Variants in PIK3R1 observed in about 807,000 individuals in gnomAD.
The protein encoded by PIK3R1 is phosphoinositide-3-kinase regulatory subunit 1, also known as phosphatidylinositol 3-kinase regulatory subunit alpha.
A neutral mutation model predicts 98.0 loss-of-function variants in PIK3R1; 29 were observed. The ratio of observed to expected loss-of-function variants is 0.30; its 90% CI spans 0.22 to 0.40. PIK3R1 has a LOEUF of 0.40. Among genes scored for constraint, PIK3R1 ranks in the 10% least tolerant of loss-of-function variants. The pLI is 1.00. For synonymous variants in PIK3R1, 282 were observed against 311.8 expected (o/e 0.90, Z 1.01); for missense variants, 596 against 872.7 (o/e 0.68, Z 3.99).
rs1303597931 is a variant in PIK3R1, at chr5:68,221,337, A to AT, written c.-386-4946dup. Among the ~76,000 whole-genome samples, 6 of 152,266 alleles carry AT rather than the reference A, an allele frequency of 3.9e-5. No individual in the cohort carries two copies. The South Asian group carries it at 1.0e-3, about 26-fold the overall frequency. On this transcript the variant is annotated intron_variant, in intron 1 of 15. Coordinates refer to ENST00000521381, the MANE Select transcript of PIK3R1 (RefSeq NM_181523.3). Reference sequence around the variant, plus strand: ...GAAGGTAAACCATTTTTAAATAATGATTTTTTTAAAGACTGTATGAATTTA... The same window carrying AT: ...GAAGGTAAACCATTTTTAAATAATGATTTTTTTTAAAGACTGTATGAATTTA...
At chr5:68,217,653 T>TGCGCGCGCGTGC (rs1554044206) in intron 1 of PIK3R1, 2 of 149,396 alleles carry the variant, frequency 1.3e-5, no homozygotes, top group African/African-American at 5.0e-5. Flanking sequence ...TGTGTGTGTG[T>TGCGCGCGCGTGC]GCGCGCGCGT....
At chr5:68,279,324 G>C (rs1305807418) in intron 4 of PIK3R1, among the ~76,000 whole-genome samples, 2 of 152,090 alleles carry the variant, frequency 1.3e-5, no homozygotes, top group Non-Finnish European at 2.9e-5. Flanking sequence ...AAAGTGTGGA[G>C]GTCTGCTACT....
chr5:68,239,766 C>T (rs1450405090), intron 2 of PIK3R1: 6 of 443,534 alleles, frequency 1.4e-5, no homozygotes, highest in African/African-American at 2.0e-5. Flanking sequence ...GCAGATGACT[C>T]CCTGGCTTGC....
rs1270513365 is a variant in PIK3R1, at chr5:68,298,657, TAAA to T, written c.*1059_*1061del. On this transcript the variant is annotated 3_prime_UTR_variant, in exon 16 of 16. Transcript: ENST00000521381. ...GAGTACTTGGCTGTTAGCCCAAGGT[TAAA>T]AAGTTCATAACAGATTTTTTTTGGA... 8.6e-6 allele frequency: 2 copies of T among 233,232 alleles called. No homozygotes were observed. The highest frequency in any genetic ancestry group is 1.7e-5 in the Non-Finnish European group (2 of 117,930). The allele number at this position is 233,232 out of a possible 1,614,324, so 14.4% of individuals were successfully genotyped here. A position where few individuals can be genotyped will look rare whatever the true frequency, so the allele number is the denominator to read the frequency against.
chr5:68,294,974 TA>T (rs1455021122), intron 12 of PIK3R1, among the ~76,000 whole-genome samples, 173 bp from the exon 13 acceptor site: 2 of 51,276 alleles, frequency 3.9e-5, no homozygotes, highest in East Asian at 6.6e-4. Flanking sequence ...AATAAAAAAA[TA>T]AAATAAAATA....
intron 12 of PIK3R1, 68 bp from the exon 13 acceptor site, chr5:68,295,080 T>C: frequency 7.5e-7 from 1 of 1,332,240 alleles, no homozygotes. Flanking sequence ...TAGTGAAACT[T>C]TTCATAAACT....
At position 68,298,327 on chromosome 5, in the gene PIK3R1, A is replaced by G; in HGVS notation, c.*726A>G. 4.3e-6 allele frequency: 1 copy of G among 233,290 alleles called. No individual in the cohort carries two copies. The highest frequency in any genetic ancestry group is 8.5e-6 in the Non-Finnish European group (1 of 117,840). 14.5% of individuals were successfully genotyped at this position (233,290 alleles called of 1,614,324 possible). ...TAAAATATGTACATAATATTGGATG[A>G]CTAACTATCAAATAGATGGATTTGT... is the stretch of plus-strand genomic sequence containing the variant. On this transcript the variant is annotated 3_prime_UTR_variant, in exon 16 of 16. Coordinates refer to ENST00000521381, the MANE Select transcript of PIK3R1 (RefSeq NM_181523.3).
chr5:68,259,109 A>G (rs1396297591), intron 2 of PIK3R1, among the ~76,000 whole-genome samples: 1 of 152,236 alleles, frequency 6.6e-6, no homozygotes, highest in East Asian at 1.9e-4. Flanking sequence ...AGGAGCCACC[A>G]GCCACATGGT....
intron 8 of PIK3R1, 24 bp from the exon 9 acceptor site, chr5:68,293,077 C>A: frequency 1.3e-6 from 2 of 1,548,840 alleles, no homozygotes; most frequent in African/African-American, 2.7e-5. Context: ...TTAAGATGAG[C>A]ATTGTTTTGT....
At chr5:68,244,059 T>G (rs894142859) in intron 2 of PIK3R1, among the ~76,000 whole-genome samples, 1 of 152,254 alleles carries the variant, frequency 6.6e-6, no homozygotes, top group Non-Finnish European at 1.5e-5. Context: ...AAATTGCAGA[T>G]GGATATAAGC....
chr5:68,234,659 G>A (rs980138316), intron 2 of PIK3R1, among the ~76,000 whole-genome samples: 3 of 152,168 alleles, frequency 2.0e-5, no homozygotes, highest in Non-Finnish European at 4.4e-5. Flanking sequence ...GTGCAGTAGC[G>A]CTAAACTCGT....
intron 7 of PIK3R1, among the ~76,000 whole-genome samples, chr5:68,290,337 A>G (rs1175016715): frequency 2.6e-5 from 4 of 152,234 alleles, no homozygotes; most frequent in Non-Finnish European, 5.9e-5. Flanking sequence ...GTGGGGAGAA[A>G]AGCTCGGAGC....
At chr5:68,264,934 A>T (rs1438002159) in intron 2 of PIK3R1, among the ~76,000 whole-genome samples, 2 of 152,214 alleles carry the variant, frequency 1.3e-5, no homozygotes, top group Admixed American at 6.5e-5. Context: ...CCGGTCCGTC[A>T]GTATCATTTG....
chr5:68,248,892 G>A (rs893019416), intron 2 of PIK3R1, among the ~76,000 whole-genome samples: 1 of 152,140 alleles, frequency 6.6e-6, no homozygotes, highest in Non-Finnish European at 1.5e-5. Context: ...TTGGAGTGAG[G>A]CCATAATAAA....
At position 68,280,632 on chromosome 5, in the gene PIK3R1, T is replaced by C. The variant is rs1486145236; in HGVS notation, c.739T>C (p.Phe247Leu). The C allele has an allele frequency of 6.2e-7, 1 of 1,613,972 alleles. No individual in the cohort carries two copies. Among genetic ancestry groups the C allele is most frequent in the Non-Finnish European group, 8.5e-7 (1 of 1,179,936 alleles). Residue 247 changes from phenylalanine to leucine, a missense_variant, in exon 6 of 16, where the codon TTC becomes CTC. Around this residue, in one of 3 missense-constraint regions of PIK3R1, gnomAD observed 352 missense variants for 393.3 expected, o/e 0.90. Coordinates refer to ENST00000521381, the MANE Select transcript of PIK3R1 (RefSeq NM_181523.3). ...TACGCTTCAGTATTTGTTAAAACAT[T>C]TCTTCAAGCTCTCTCAAACCTCCAG... ...WLTLQYLLKH[F>L]FKLSQTSSKN...
At position 68,292,166 on chromosome 5, in the gene PIK3R1, C is replaced by T. The variant is rs3730087; in HGVS notation, c.917-93C>T. The T allele has an allele frequency of 0.54, 384,180 of 708,094 alleles. 109,053 individuals carry two copies. The highest frequency in any genetic ancestry group is 0.9 in the African/African-American group (49,713 of 55,096). 43.9% of individuals were successfully genotyped at this position (708,094 alleles called of 1,614,324 possible). ...ATGCTATATATTTCAGTTACTCTAA[C>T]TTTTTATTTTTTTAAAGTAAAAGTA... is the stretch of plus-strand genomic sequence containing the variant. On this transcript the variant is annotated intron_variant, in intron 7 of 15. Coordinates refer to ENST00000521381, the MANE Select transcript of PIK3R1 (RefSeq NM_181523.3).
At chr5:68,269,099 GAATCC>G (rs1263491547) in intron 2 of PIK3R1, among the ~76,000 whole-genome samples, 1 of 152,202 alleles carries the variant, frequency 6.6e-6, no homozygotes, top group Non-Finnish European at 1.5e-5. Flanking sequence ...ATTGAAGGCT[GAATCC>G]TCCTTTCTTT....
In PIK3R1 at chr5:68,297,912, G is replaced by A. The variant is rs3729982; in HGVS notation, c.*311G>A. 5.4e-3 allele frequency: 1,378 copies of A among 255,272 alleles called. 7 individuals carry two copies. Among genetic ancestry groups the A allele is most frequent in the Non-Finnish European group, 7.1e-3 (942 of 132,904 alleles). The allele number at this position is 255,272 out of a possible 1,614,324, so 15.8% of individuals were successfully genotyped here. A position where few individuals can be genotyped will look rare whatever the true frequency, so the allele number is the denominator to read the frequency against. On this transcript the variant is annotated 3_prime_UTR_variant, in exon 16 of 16. Transcript: ENST00000521381. ...AAATGCAAAAATCTCTGCGTGCAGG[G>A]ACAAAGAGGCCTTTAACCATGGTGC...
chr5:68,241,031 C>T (rs2112022320), intron 2 of PIK3R1, among the ~76,000 whole-genome samples: 1 of 152,330 alleles, frequency 6.6e-6, no homozygotes, highest in East Asian at 1.9e-4. Flanking sequence ...GTTTAGTTCA[C>T]ATATTGAAAT....
Sources: gnomAD v4.1 joint callset for allele counts (sites outside exome capture counted in the v4.1 genomes callset) on GRCh38, gnomAD v4.1.1 for gene constraint, gnomAD v4.1.1 regional missense constraint, MANE v1.5 for transcripts, NCBI Gene and HGNC (gene_info 2026-07-23, HGNC 2026-07-21) for gene names.